Variants in SLC24A1 observed in about 807,000 individuals in gnomAD.
SLC24A1 encodes the protein solute carrier family 24 member 1, also known as sodium/potassium/calcium exchanger 1.
Under a neutral mutation model 88.1 loss-of-function variants are expected in SLC24A1, and 52 were observed. The observed-to-expected ratio is 0.59, with a 90% confidence interval of 0.47 to 0.74. The LOEUF (loss-of-function observed/expected upper bound fraction) is 0.74. SLC24A1 is among the 30% of genes least tolerant of loss of function. The pLI, the probability that SLC24A1 is intolerant of heterozygous loss-of-function variation, is 0.00. For missense variants in SLC24A1, 1,173 were observed against 1,363.3 expected (o/e 0.86, Z 2.20); for synonymous variants, 455 against 498.0 (o/e 0.91, Z 1.15).
At position 65,624,302 on chromosome 15, in the gene SLC24A1, G is replaced by C. The variant is rs370527618; in HGVS notation, c.222G>C (p.Met74Ile). The C allele has an allele frequency of 1.8e-5, 29 of 1,613,792 alleles. No individual in the cohort carries two copies. The highest frequency in any genetic ancestry group is 1.6e-4 in the East Asian group (7 of 44,880). The part of the protein sequence containing the change: ...SRDLSSEEMM[M>I]MSSSPSKPSS... ...ACCTCTCCAGTGAAGAGATGATGAT[G>C]ATGAGCAGCAGCCCTTCAAAACCTA... is the stretch of plus-strand genomic sequence containing the variant. The change falls in exon 2 of 10, where the codon ATG (methionine) becomes ATC (isoleucine). Residue 74 changes from methionine (M) to isoleucine (I), a missense_variant. Physicochemically the swap from Met to Ile is conservative, Grantham distance 10. Coordinates refer to ENST00000261892, the MANE Select transcript of SLC24A1 (RefSeq NM_004727.3).
At position 65,645,623 on chromosome 15, in the gene SLC24A1, G is replaced by C. The variant is rs2075276446; in HGVS notation, c.2152G>C (p.Ala718Pro). 1 of 1,569,950 alleles carries C rather than the reference G, an allele frequency of 6.4e-7. No individual in the cohort carries two copies. Among genetic ancestry groups the C allele is most frequent in the African/African-American group, 1.4e-5 (1 of 73,798 alleles). Residue 718 changes from alanine to proline, a missense_variant, in exon 6 of 10, where the codon GCC (alanine) becomes CCC (proline). Ala to Pro is a conservative substitution (Grantham distance 27). Transcript: ENST00000261892. The stretch of plus-strand genomic sequence containing the variant: ...TTTATCCTTTAAAGAGGAGGAGCCA[G>C]CCAAGCTCCCTGCGGTCACGGTCAC... ...AESKPEEEEP[A>P]KLPAVTVTPA... is the part of the protein sequence containing the mutation.
chr15:65,633,831 G>A (rs1432179941), intron 2 of SLC24A1, among the ~76,000 whole-genome samples: 1 of 152,184 alleles, frequency 6.6e-6, no homozygotes, highest in Non-Finnish European at 1.5e-5. Context: ...CTGGGTGACA[G>A]TGGGGCCCCC....
intron 5 of SLC24A1, 77 bp downstream of exon 5, chr15:65,644,590 C>A: frequency 9.8e-7 from 1 of 1,019,650 alleles, no homozygotes; most frequent in Non-Finnish European, 1.5e-6. Flanking sequence ...GGCCTGGAGG[C>A]AGCAGCCAGC....
Position 65,647,348 on chromosome 15 carries a change from C to T in SLC24A1, c.2232+1645C>T, listed in dbSNP as rs541872099. Among the ~76,000 whole-genome samples, 11 of 151,712 alleles carry T rather than the reference C, an allele frequency of 7.3e-5. No individual in the cohort carries two copies. The South Asian group carries it at 2.1e-3, about 29-fold the overall frequency. On this transcript the variant is annotated intron_variant, in intron 6 of 9. Coordinates refer to ENST00000261892, the MANE Select transcript of SLC24A1 (RefSeq NM_004727.3). ...CAAAAATTAGCCGGGTGTGGTGGTG[C>T]GTGCCTGTAATCCCAGCTACTTGGG...
intron 4 of SLC24A1, chr15:65,643,072 G>A: frequency 7.9e-7 from 1 of 1,271,178 alleles, no homozygotes; most frequent in South Asian, 1.2e-5. Context: ...TGTTGTTACA[G>A]CTAAAAGTTA....
intron 2 of SLC24A1, among the ~76,000 whole-genome samples, chr15:65,626,516 T>C (rs1382152732): frequency 6.6e-6 from 1 of 152,314 alleles, no homozygotes; most frequent in Admixed American, 6.5e-5. Context: ...GAGGGTTTTA[T>C]ATTTTTGTTT....
chr15:65,659,424 C>G (rs986836194), downstream of SLC24A1: 1 of 147,904 alleles, frequency 6.8e-6, no homozygotes, highest in Admixed American at 6.8e-5. Context: ...GCCCCAAACC[C>G]CCAGGCTCAA....
chr15:65,625,885 G>A lies in SLC24A1; in HGVS notation c.1805G>A (p.Trp602Ter), dbSNP rs951002170. 6.2e-7 allele frequency: 1 copy of A among 1,614,012 alleles called. No homozygotes were observed. Among genetic ancestry groups the A allele is most frequent in the Non-Finnish European group, 8.5e-7 (1 of 1,179,892 alleles). ...AYAFYVFTMK[W>*]NKHIEVWVKE... ...GCCTTCTATGTGTTCACCATGAAGT[G>A]GAACAAGCATATCGAGGTCTGGGTG... The change falls in exon 2 of 10, where the codon TGG (tryptophan) becomes TAG (stop). Residue 602 changes from tryptophan to a stop codon, truncating the protein, a stop_gained. Coordinates refer to ENST00000261892, the MANE Select transcript of SLC24A1 (RefSeq NM_004727.3). LOFTEE classifies it high-confidence loss of function.
chr15:65,646,443 C>T (rs867535767), intron 6 of SLC24A1, among the ~76,000 whole-genome samples: 29 of 151,254 alleles, frequency 1.9e-4, no homozygotes, highest in Middle Eastern at 3.4e-3. Flanking sequence ...TGCCTTTTCT[C>T]CTCCATTTTC....
At chr15:65,618,898 A>T (rs1207393123), upstream of SLC24A1, 1 of 152,238 alleles carries the variant, frequency 6.6e-6, no homozygotes, top group Non-Finnish European at 1.5e-5. Context: ...CCGCTCCAGA[A>T]GGGCACTTGA....
intron 2 of SLC24A1, among the ~76,000 whole-genome samples, chr15:65,633,470 G>A (rs1432865685): frequency 2.0e-5 from 3 of 152,072 alleles, no homozygotes; most frequent in Admixed American, 6.6e-5. Context: ...GAGAAGCCTG[G>A]TCAACATGGT....
At chr15:65,641,452 C>T (rs996318827) in intron 4 of SLC24A1, among the ~76,000 whole-genome samples, 7 of 151,864 alleles carry the variant, frequency 4.6e-5, no homozygotes, top group African/African-American at 1.7e-4. Context: ...TTAGGAATTC[C>T]TCAAGGTAAG....
rs761341182 is a variant in SLC24A1, at chr15:65,650,517, A to G, written c.2368A>G (p.Lys790Glu). Reference sequence around the variant, plus strand: ...TGAAGGTGAAACTGAAACACAAGGAAAAGGAGAAGAATGTGAAGATGAAAA... The same window carrying G: ...TGAAGGTGAAACTGAAACACAAGGAGAAGGAGAAGAATGTGAAGATGAAAA... Reference protein sequence around the residue: ...EGEGETETQGKGEECEDENEA... With the variant: ...EGEGETETQGEGEECEDENEA... The change falls in exon 7 of 10, where the codon AAA (lysine) becomes GAA (glutamate). Residue 790 changes from lysine to glutamate, a missense_variant. Lys to Glu is a moderately conservative substitution (Grantham distance 56). Transcript: ENST00000261892. This position sits in a 1 kb window ranked among gnomAD's most constrained non-coding sequence, Gnocchi z 4.1. 1.8e-5 allele frequency: 28 copies of G among 1,551,728 alleles called. No individual in the cohort carries two copies. In the South Asian group the frequency reaches 3.1e-4, roughly 17 times the overall value.
rs144997445 is a variant in SLC24A1, at chr15:65,654,075, T to C, written c.3296T>C (p.Val1099Ala). The change falls in exon 10 of 10, where the codon GTC becomes GCC. Residue 1099 changes from valine (V) to alanine (A), a missense_variant. By Grantham distance (64) the Val-to-Ala change is moderately conservative. Transcript: ENST00000261892. ...EDRIISCPVS[V>A] ...CGAATCATATCCTGTCCTGTATCTGTCTGAATCAGTCACTCTTGCTCACAA... is the reference window on the plus strand; with the variant it reads ...CGAATCATATCCTGTCCTGTATCTGCCTGAATCAGTCACTCTTGCTCACAA... 1 of 1,611,796 alleles carries C rather than the reference T, an allele frequency of 6.2e-7. No homozygotes were observed. The highest frequency in any genetic ancestry group is 8.5e-7 in the Non-Finnish European group (1 of 1,178,112).
chr15:65,639,753 C>T (rs759205572), intron 4 of SLC24A1, 50 bp downstream of exon 4: 78 of 1,177,844 alleles, frequency 6.6e-5, no homozygotes, highest in Non-Finnish European at 9.0e-5. Flanking sequence ...CCACTCCTTC[C>T]CTCCTGCAGC....
chr15:65,624,866 T>C lies in SLC24A1; in HGVS notation c.786T>C (p.His262=). The change falls in exon 2 of 10, where the codon CAT becomes CAC. Residue 262 remains histidine (H), a synonymous_variant. Transcript: ENST00000261892. ...ATAGCACCCCAACTTTTCTGACACA[T>C]GAGGTAGAAGCAAACGTCTTGACTT... The part of the protein sequence containing the change: ...MFDSTPTFLT[H]EVEANVLTSP... 2.5e-6 allele frequency: 4 copies of C among 1,613,972 alleles called. No individual in the cohort carries two copies. Among genetic ancestry groups the C allele is most frequent in the Non-Finnish European group, 3.4e-6 (4 of 1,179,880 alleles).
In SLC24A1 at chr15:65,656,225, T is replaced by C. The variant is rs77255459; in HGVS notation, c.*2146T>C. On this transcript the variant is annotated 3_prime_UTR_variant, in exon 10 of 10. Transcript: ENST00000261892. ...TGTGTAATGATAAAAGGCTGAAATA[T>C]CCACTGAATGATTAAAACCAACTCT... 4.7e-4 allele frequency: 461 copies of C among 984,912 alleles called. 1 individual carries two copies. The African/African-American group carries it at 7.6e-3, about 16-fold the overall frequency. 61.0% of individuals were successfully genotyped at this position (984,912 alleles called of 1,614,324 possible). A position where few individuals can be genotyped will look rare whatever the true frequency, so the allele number is the denominator to read the frequency against.
At position 65,624,659 on chromosome 15, in the gene SLC24A1, T is replaced by G. The variant is rs770611934; in HGVS notation, c.579T>G (p.Arg193=). 3 of 1,597,300 alleles carry G rather than the reference T, an allele frequency of 1.9e-6. No homozygotes were observed. Among genetic ancestry groups the G allele is most frequent in the East Asian group, 2.3e-5 (1 of 44,110 alleles). The change falls in exon 2 of 10, where the codon CGT becomes CGG. Residue 193 remains arginine (R), a synonymous_variant. Transcript: ENST00000261892. ...AGGTGAAGTATACTCCTTCCCCACG[T>G]GGTAGAAGAGTAGGCACTTACGTGC... ...REKVKYTPSP[R]GRRVGTYVPS...
rs1040308030 is a variant in SLC24A1 at position 65,655,634 on chromosome 15, A to G, written c.*1555A>G. On this transcript the variant is annotated 3_prime_UTR_variant, in exon 10 of 10. Coordinates refer to ENST00000261892, the MANE Select transcript of SLC24A1 (RefSeq NM_004727.3). ...GTGACTGCAGATTATGATGGTAAAT[A>G]TGGCTTTAATTACAAACATGAGGAA... 18 of 985,430 alleles carry G rather than the reference A, an allele frequency of 1.8e-5. No individual in the cohort carries two copies. The highest frequency in any genetic ancestry group is 2.2e-5 in the Non-Finnish European group (18 of 829,920). The allele number at this position is 985,430 out of a possible 1,614,324, so 61.0% of individuals were successfully genotyped here. A position where few individuals can be genotyped will look rare whatever the true frequency, so the allele number is the denominator to read the frequency against.
Sources: gnomAD v4.1 joint callset for allele counts (sites outside exome capture counted in the v4.1 genomes callset) on GRCh38, gnomAD v4.1.1 for gene constraint, Gnocchi (gnomAD v3.1) non-coding constraint, MANE v1.5 for transcripts, NCBI Gene and HGNC (gene_info 2026-07-23, HGNC 2026-07-21) for gene names.